Variants in AP3M1 observed in about 807,000 individuals in gnomAD.
AP3M1 encodes adaptor related protein complex 3 subunit mu 1.
Under a neutral mutation model 42.6 loss-of-function variants are expected in AP3M1, and 29 were observed. The observed-to-expected ratio is 0.68, with a 90% confidence interval of 0.51 to 0.93. The LOEUF (loss-of-function observed/expected upper bound fraction) is 0.93. AP3M1 is among the 40% of genes least tolerant of loss of function. AP3M1 has a pLI of 0.00. For missense variants in AP3M1, 416 were observed against 510.2 expected (o/e 0.82, Z 1.78); for synonymous variants, 178 against 175.3 (o/e 1.02, Z -0.12).
At chr10:74,127,640 C>T (rs1176468174) in intron 6 of AP3M1, among the ~76,000 whole-genome samples, 1 of 151,568 alleles carries the variant, frequency 6.6e-6, no homozygotes, top group African/African-American at 2.4e-5. Flanking sequence ...GCCTGGGTGA[C>T]AATAGTGAAA....
intron 4 of AP3M1, 49 bp from the exon 5 acceptor site, chr10:74,130,041 T>C: frequency 8.8e-7 from 1 of 1,131,562 alleles, no homozygotes; most frequent in Non-Finnish European, 1.3e-6. Context: ...AATATGAGTC[T>C]TCACTAGACC....
At chr10:74,128,495 T>G (rs1324806867) in intron 6 of AP3M1, among the ~76,000 whole-genome samples, 2 of 152,080 alleles carry the variant, frequency 1.3e-5, no homozygotes, top group Admixed American at 1.3e-4. Context: ...CACATTGGCC[T>G]CCCAAAGTGT....
At chr10:74,134,443 T>C (rs1393071250) in intron 3 of AP3M1, among the ~76,000 whole-genome samples, 1 of 152,262 alleles carries the variant, frequency 6.6e-6, no homozygotes, top group African/African-American at 2.4e-5. Flanking sequence ...CTAATTCCAG[T>C]GGCTCAACAA....
intron 7 of AP3M1, among the ~76,000 whole-genome samples, chr10:74,125,234 C>T (rs1840580921): frequency 1.3e-5 from 2 of 152,232 alleles, no homozygotes. Context: ...CCACCTCGGC[C>T]TCCCAAAGTG....
rs1006925781 is a variant in AP3M1 at position 74,150,781 on chromosome 10, C to G, written c.-30G>C. ...CCAACACCTGTGCCAGTCAGTGATT[C>G]GGCGCCGGATCCTCTCCTACCGAAG... On this transcript the variant is annotated 5_prime_UTR_variant, in exon 1 of 9. Transcript: ENST00000355264. 1 of 179,506 alleles carries G rather than the reference C, an allele frequency of 5.6e-6. No homozygotes were observed. Among genetic ancestry groups the G allele is most frequent in the African/African-American group, 2.4e-5 (1 of 41,974 alleles). 11.1% of individuals were successfully genotyped at this position (179,506 alleles called of 1,614,324 possible).
intron 1 of AP3M1, among the ~76,000 whole-genome samples, chr10:74,149,267 GTTTTTTTTTTTTTTT>G (rs57279906): frequency 2.2e-3 from 135 of 60,068 alleles, no homozygotes; most frequent in African/African-American, 7.5e-3. Flanking sequence ...GATACGTAAG[GTTTTTTTTTTTTTTT>G]TTTTTTTTTT....
In AP3M1 at chr10:74,142,626, T is replaced by C. The variant is rs548375015; in HGVS notation, c.-3-4244A>G. Among the ~76,000 whole-genome samples the C allele has an allele frequency of 6.6e-5, 10 of 152,316 alleles. 1 individual carries two copies. In the East Asian group the frequency reaches 1.7e-3, roughly 26 times the overall value. On this transcript the variant is annotated intron_variant, in intron 1 of 8. Coordinates refer to ENST00000355264, the MANE Select transcript of AP3M1 (RefSeq NM_012095.6). ...CCCTCTGTTTAGCCAAGAAATCAACTTGAGTTATTAGCAATAAACTCTGAC... is the reference window on the plus strand; with the variant it reads ...CCCTCTGTTTAGCCAAGAAATCAACCTGAGTTATTAGCAATAAACTCTGAC...
At chr10:74,130,249 C>T (rs1391155576) in intron 4 of AP3M1, among the ~76,000 whole-genome samples, 1 of 151,842 alleles carries the variant, frequency 6.6e-6, no homozygotes, top group Non-Finnish European at 1.5e-5. Flanking sequence ...ATCACTACAT[C>T]TAGAACAATA....
At chr10:74,136,935 A>C in intron 2 of AP3M1, 132 bp from the exon 3 acceptor site, 1 of 565,434 alleles carries the variant, frequency 1.8e-6, no homozygotes, top group South Asian at 5.9e-5. Context: ...TATAAAACAG[A>C]GCGGGGGAAA....
Position 74,121,113 on chromosome 10 carries a change from A to G in AP3M1, c.*2697T>C, listed in dbSNP as rs2131949715. On this transcript the variant is annotated 3_prime_UTR_variant, in exon 9 of 9. Transcript: ENST00000355264. ...TCTTGGAAAGTTGCCGACTATAAAG[A>G]CAGATTCCAGCCTGCTTGAGTTAAG... 1 of 152,322 alleles carries G rather than the reference A, an allele frequency of 6.6e-6. No individual in the cohort carries two copies. The highest frequency in any genetic ancestry group is 1.9e-4 in the East Asian group (1 of 5,192). The allele number at this position is 152,322 out of a possible 1,614,324, so 9.4% of individuals were successfully genotyped here. A position where few individuals can be genotyped will look rare whatever the true frequency, so the allele number is the denominator to read the frequency against.
rs754897677 is a variant in AP3M1, at chr10:74,128,100, TA to T, written c.803+1007del. 9.0e-3 allele frequency among the ~76,000 whole-genome samples: 619 copies of T among 68,438 alleles called. 2 individuals are homozygous for T. Among genetic ancestry groups the T allele is most frequent in the African/African-American group, 0.025 (399 of 15,666 alleles). 44.9% of individuals were successfully genotyped at this position (68,438 alleles called of 152,430 possible). On this transcript the variant is annotated intron_variant, in intron 6 of 8. Transcript: ENST00000355264. ...GAGCAACAAGAGCCAAACTCCGGCT[TA>T]AAAAAAAAAAAAAAAAAAAAAAAGG...
Position 74,123,723 on chromosome 10 carries a change from T to C in AP3M1, c.*87A>G. On this transcript the variant is annotated 3_prime_UTR_variant, in exon 9 of 9. Transcript: ENST00000355264. ...AGACACAAATGCTTTAACTAGAATATGTATTCCCACTCACTTGGTACCTAA... is the reference window on the plus strand; with the variant it reads ...AGACACAAATGCTTTAACTAGAATACGTATTCCCACTCACTTGGTACCTAA... The C allele has an allele frequency of 2.0e-6, 2 of 982,404 alleles. No homozygotes were observed. The highest frequency in any genetic ancestry group is 3.3e-6 in the Non-Finnish European group (2 of 611,904). The allele number at this position is 982,404 out of a possible 1,614,324, so 60.9% of individuals were successfully genotyped here. A position where few individuals can be genotyped will look rare whatever the true frequency, so the allele number is the denominator to read the frequency against.
rs1240844813 is a variant in AP3M1, at chr10:74,123,673, G to A, written c.*137C>T. On this transcript the variant is annotated 3_prime_UTR_variant, in exon 9 of 9. Coordinates refer to ENST00000355264, the MANE Select transcript of AP3M1 (RefSeq NM_012095.6). ...TTAAGAATCCTACATTGATAACTAAGTAACTTTGTTAGCGGTGTGTAGCTA... is the reference window on the plus strand; with the variant it reads ...TTAAGAATCCTACATTGATAACTAAATAACTTTGTTAGCGGTGTGTAGCTA... The A allele has an allele frequency of 1.4e-6, 1 of 691,344 alleles. No individual in the cohort carries two copies. Among genetic ancestry groups the A allele is most frequent in the South Asian group, 1.8e-5 (1 of 54,750 alleles). The allele number at this position is 691,344 out of a possible 1,614,324, so 42.8% of individuals were successfully genotyped here.
chr10:74,142,279 T>C (rs891381925), intron 1 of AP3M1, among the ~76,000 whole-genome samples: 13 of 152,208 alleles, frequency 8.5e-5, no homozygotes, highest in Admixed American at 2.0e-4. Context: ...TACTATAGTC[T>C]AAGAAGAAAG....
intron 1 of AP3M1, among the ~76,000 whole-genome samples, chr10:74,139,618 C>CT (rs1238541188): frequency 7.3e-6 from 1 of 136,090 alleles, no homozygotes; most frequent in East Asian, 2.2e-4. Context: ...TCTGTCTCTA[C>CT]TAAAAAAAAA....
intron 3 of AP3M1, among the ~76,000 whole-genome samples, chr10:74,136,326 T>C (rs1840941127): frequency 6.6e-6 from 1 of 152,176 alleles, no homozygotes; most frequent in Admixed American, 6.5e-5. Context: ...TGGGCTCATA[T>C]ACTGGCTTCT....
chr10:74,125,663 C>G lies in AP3M1; in HGVS notation c.1011+485G>C, dbSNP rs140661732. On this transcript the variant is annotated intron_variant, in intron 7 of 8. Coordinates refer to ENST00000355264, the MANE Select transcript of AP3M1 (RefSeq NM_012095.6). ...CATCTGCTACAGTTTCTCTGAAAAC[C>G]CTCTGTTACACAAAAATTTAAGTAG... Among the ~76,000 whole-genome samples, 335 of 152,208 alleles carry G rather than the reference C, an allele frequency of 2.2e-3. 2 individuals carry two copies. Among genetic ancestry groups the G allele is most frequent in the African/African-American group, 7.6e-3 (317 of 41,544 alleles).
chr10:74,136,909 T>A, intron 2 of AP3M1, 106 bp from the exon 3 acceptor site: 1 of 718,646 alleles, frequency 1.4e-6, no homozygotes, highest in Non-Finnish European at 2.1e-6. Context: ...ATTCATTGCT[T>A]AAGCTGCTGA....
At chr10:74,131,911 A>G (rs1407507673) in intron 4 of AP3M1, among the ~76,000 whole-genome samples, 1 of 152,242 alleles carries the variant, frequency 6.6e-6, no homozygotes, top group African/African-American at 2.4e-5. Flanking sequence ...GATATTGACT[A>G]TAATTCACAA....
Sources: allele counts gnomAD v4.1 joint callset (sites outside exome capture counted in the v4.1 genomes callset), GRCh38; gene constraint gnomAD v4.1.1; transcripts MANE v1.5; gene names NCBI Gene and HGNC (gene_info 2026-07-23, HGNC 2026-07-21).